SFSWAP: variants seen among roughly 807,000 people sequenced by gnomAD.
SFSWAP encodes splicing factor SWAP.
In SFSWAP, 17 loss-of-function variants were observed where a neutral mutation model predicts 100.7. That is an observed-to-expected ratio of 0.17 (90% CI 0.12 to 0.25). The LOEUF is 0.25. Among genes scored for constraint, SFSWAP ranks in the 10% least tolerant of loss-of-function variants. SFSWAP has a pLI of 1.00. For synonymous variants in SFSWAP, 504 were observed against 510.1 expected, an observed-to-expected ratio of 0.99 and a Z score of 0.16; for missense variants, 1,005 against 1,262.6, an observed-to-expected ratio of 0.80 and a Z score of 3.09.
At chr12:131,743,559 C>T (rs1357845343) in intron 7 of SFSWAP, among the ~76,000 whole-genome samples, 2 of 152,348 alleles carry the variant, frequency 1.3e-5, no homozygotes, top group South Asian at 2.1e-4. Flanking sequence ...GGCAGCTCCG[C>T]GCCTGTGGCT....
chr12:131,767,327 T>G (rs531344072), intron 13 of SFSWAP, among the ~76,000 whole-genome samples: 1 of 152,396 alleles, frequency 6.6e-6, no homozygotes, highest in Non-Finnish European at 1.5e-5. Flanking sequence ...ATCTTTTAAG[T>G]TTAATTTTAG....
At chr12:131,783,062 T>G (rs1459868019) in intron 14 of SFSWAP, among the ~76,000 whole-genome samples, 2 of 151,422 alleles carry the variant, frequency 1.3e-5, no homozygotes, top group African/African-American at 4.9e-5. Flanking sequence ...GCGCCTATAA[T>G]CCCAGCTACT....
intron 11 of SFSWAP, among the ~76,000 whole-genome samples, chr12:131,759,625 C>T (rs1368091790): frequency 6.6e-6 from 1 of 151,396 alleles, no homozygotes; most frequent in Non-Finnish European, 1.5e-5. Flanking sequence ...CGGTGAAACC[C>T]CGTCTCTACT....
At chr12:131,727,921 T>C (rs1031325354) in intron 6 of SFSWAP, among the ~76,000 whole-genome samples, 1 of 152,224 alleles carries the variant, frequency 6.6e-6, no homozygotes, top group Non-Finnish European at 1.5e-5. Context: ...TTTGTGGGAA[T>C]GATTGCTGAT....
rs190272147 is a variant in SFSWAP at position 131,736,039 on chromosome 12, C to T, written c.1081+7611C>T. The stretch of plus-strand genomic sequence containing the variant: ...TCTCCCCTGGTGTTTGTCATGGCAC[C>T]AGCCAACACAGCAAGATGGAGCCAC... On this transcript the variant is annotated intron_variant, in intron 7 of 17. Coordinates refer to ENST00000261674, the MANE Select transcript of SFSWAP (RefSeq NM_004592.4). Among the ~76,000 whole-genome samples, 556 of 152,342 alleles carry T rather than the reference C, an allele frequency of 3.6e-3. 6 individuals are homozygous for T. The highest frequency in any genetic ancestry group is 0.033 in the South Asian group (159 of 4,832).
intron 7 of SFSWAP, 65 bp from the exon 8 acceptor site, chr12:131,753,058 C>T (rs879119941): frequency 1.3e-6 from 2 of 1,589,328 alleles, no homozygotes; most frequent in Non-Finnish European, 8.6e-7. Flanking sequence ...CTTGTGGCTG[C>T]ATTGTGGACT....
chr12:131,759,117 G>A (rs1380515860), intron 11 of SFSWAP, among the ~76,000 whole-genome samples: 1 of 152,198 alleles, frequency 6.6e-6, no homozygotes, highest in East Asian at 1.9e-4. Context: ...GCTACAACTA[G>A]AAGTTAACAC....
chr12:131,730,117 G>A lies in SFSWAP; in HGVS notation c.1081+1689G>A, dbSNP rs945696935. 6.6e-6 allele frequency among the ~76,000 whole-genome samples: 1 copy of A among 152,170 alleles called. No individual in the cohort carries two copies. The highest frequency in any genetic ancestry group is 2.4e-5 in the African/African-American group (1 of 41,410). ...TAGTGTAGGCAGCCAGCTGTCTGAG[G>A]TGCTCTGTAGATCACTCCTAACGCC... On this transcript the variant is annotated intron_variant, in intron 7 of 17. Transcript: ENST00000261674. The surrounding 1 kb of genome is among the most constrained non-coding windows in gnomAD (Gnocchi z 4.0).
intron 14 of SFSWAP, among the ~76,000 whole-genome samples, chr12:131,781,683 C>T (rs1593184018): frequency 6.6e-6 from 1 of 151,964 alleles, no homozygotes. Context: ...AATTTTAATC[C>T]GACCTACGTT....
At chr12:131,780,625 C>T (rs776167683) in intron 14 of SFSWAP, among the ~76,000 whole-genome samples, 13 of 152,214 alleles carry the variant, frequency 8.5e-5, no homozygotes, top group Non-Finnish European at 1.3e-4. Flanking sequence ...GATCACGCCA[C>T]TGCACTCCAG....
intron 13 of SFSWAP, among the ~76,000 whole-genome samples, chr12:131,773,606 G>T (rs1421840724): frequency 6.6e-6 from 1 of 152,152 alleles, no homozygotes; most frequent in East Asian, 1.9e-4. Context: ...GGCCTCTCAA[G>T]ATGCTAGGAT....
chr12:131,748,879 G>A (rs955963885), intron 7 of SFSWAP, among the ~76,000 whole-genome samples: 5 of 152,164 alleles, frequency 3.3e-5, no homozygotes, highest in African/African-American at 7.2e-5. Flanking sequence ...TACTCATAGC[G>A]TTTATTAGAG....
Position 131,745,885 on chromosome 12 carries a change from T to G in SFSWAP, c.1082-7238T>G, listed in dbSNP as rs188493306. ...ATAAGCCTGCAGGGAATGGCGACTCTTGGCAGCGGGTCAGGCTGTGGGCTT... is the reference window on the plus strand; with the variant it reads ...ATAAGCCTGCAGGGAATGGCGACTCGTGGCAGCGGGTCAGGCTGTGGGCTT... On this transcript the variant is annotated intron_variant, in intron 7 of 17. Transcript: ENST00000261674. 5.6e-4 allele frequency among the ~76,000 whole-genome samples: 85 copies of G among 152,336 alleles called. 1 individual carries two copies. The highest frequency in any genetic ancestry group is 5.6e-3 in the Admixed American group (85 of 15,308).
chr12:131,773,557 T>A (rs1320560357), intron 13 of SFSWAP, among the ~76,000 whole-genome samples: 1 of 152,198 alleles, frequency 6.6e-6, no homozygotes, highest in East Asian at 1.9e-4. Context: ...TTGCCCAGAC[T>A]GGTCTTGAAC....
At chr12:131,776,499 C>T (rs1884036187) in intron 13 of SFSWAP, among the ~76,000 whole-genome samples, 1 of 152,246 alleles carries the variant, frequency 6.6e-6, no homozygotes, top group Non-Finnish European at 1.5e-5. Flanking sequence ...TGCTTTTGAT[C>T]TCAAAGCCAA....
intron 8 of SFSWAP, among the ~76,000 whole-genome samples, chr12:131,753,735 G>A (rs1184110891): frequency 1.3e-5 from 2 of 152,218 alleles, no homozygotes; most frequent in East Asian, 1.9e-4. Context: ...TAAAGTTGAC[G>A]CAGGTGATGT....
chr12:131,787,072 G>A (rs1884946485), intron 15 of SFSWAP, among the ~76,000 whole-genome samples: 1 of 152,204 alleles, frequency 6.6e-6, no homozygotes. Flanking sequence ...TAGAGGGCAG[G>A]GAGCATCCAT....
In SFSWAP at chr12:131,731,195, C is replaced by G. The variant is rs573312521; in HGVS notation, c.1081+2767C>G. On this transcript the variant is annotated intron_variant, in intron 7 of 17. Coordinates refer to ENST00000261674, the MANE Select transcript of SFSWAP (RefSeq NM_004592.4). ...CAGTATAAACCTGTACTCAGGCGCT[C>G]AGCCTTATGGGATGAGTGGCTGTGG... Among the ~76,000 whole-genome samples, 3 of 152,202 alleles carry G rather than the reference C, an allele frequency of 2.0e-5. No individual in the cohort carries two copies. The East Asian group carries it at 5.8e-4, about 29-fold the overall frequency.
At chr12:131,721,491 A>G (rs1205722306) in intron 4 of SFSWAP, among the ~76,000 whole-genome samples, 1 of 152,250 alleles carries the variant, frequency 6.6e-6, no homozygotes, top group East Asian at 1.9e-4. Flanking sequence ...TTAAAAAATC[A>G]CAGTTGCTCC....
Sources: gnomAD v4.1 joint callset for allele counts (sites outside exome capture counted in the v4.1 genomes callset) on GRCh38, gnomAD v4.1.1 for gene constraint, Gnocchi (gnomAD v3.1) non-coding constraint, MANE v1.5 for transcripts, NCBI Gene and HGNC (gene_info 2026-07-23, HGNC 2026-07-21) for gene names.